The following TST variants were observed in gnomAD, a reference collection of about 807,000 sequenced individuals.
TST encodes thiosulfate sulfurtransferase, also known as epididymis secretory sperm binding protein.
TST carries 22 observed loss-of-function variants against 20.4 expected under a neutral mutation model. The observed-to-expected ratio is 1.08, with a 90% confidence interval of 0.77 to 1.54. The LOEUF is 1.54. Among genes scored for constraint, TST ranks in the 40% most tolerant of loss-of-function variants. The pLI, the probability that TST is intolerant of heterozygous loss-of-function variation, is 0.00. For missense variants in TST, 392 were observed against 405.2 expected, an observed-to-expected ratio of 0.97 and a Z score of 0.28; for synonymous variants, 187 against 173.8, an observed-to-expected ratio of 1.08 and a Z score of -0.60.
chr22:37,012,683 T>G (rs1319035202), intron 2 of TST, among the ~76,000 whole-genome samples: 2 of 152,198 alleles, frequency 1.3e-5, no homozygotes, highest in Non-Finnish European at 2.9e-5. Flanking sequence ...AGGCATATAC[T>G]GGGGCTGGGT....
Position 37,011,207 on chromosome 22 carries a change from C to T in TST, c.714G>A (p.Val238=), listed in dbSNP as rs1922463838. Residue 238 remains valine, a synonymous_variant, in exon 3 of 3, where the codon GTG becomes GTA. Transcript: ENST00000249042. ...TGGCAATGAGAGGCTGCGAGAGATC[C>T]ACCTTCTTGGTCTGGAACAGAGCAC... ...ELRALFQTKK[V]DLSQPLIATC... 2 of 1,613,780 alleles carry T rather than the reference C, an allele frequency of 1.2e-6. No homozygotes were observed. Among genetic ancestry groups the T allele is most frequent in the South Asian group, 1.1e-5 (1 of 91,090 alleles).
chr22:37,013,747 C>G (rs909420818), intron 2 of TST, among the ~76,000 whole-genome samples: 1 of 152,196 alleles, frequency 6.6e-6, no homozygotes, highest in Non-Finnish European at 1.5e-5. Context: ...AATGGATCAG[C>G]TGGCATCGAG....
chr22:37,014,159 G>A (rs549096144), intron 2 of TST, among the ~76,000 whole-genome samples: 1 of 152,232 alleles, frequency 6.6e-6, no homozygotes, highest in African/African-American at 2.4e-5. Flanking sequence ...TCAGGAGATC[G>A]AGACCATCCT....
rs1922441117 is a variant in TST, at chr22:37,010,918, C to T, written c.*109G>A. The stretch of plus-strand genomic sequence containing the variant: ...TGACAGAGAGAGGGTGAGCCTTGCA[C>T]AGCAATTCTAAAAACATGTCATCTC... On this transcript the variant is annotated 3_prime_UTR_variant, in exon 3 of 3. Transcript: ENST00000249042. The T allele has an allele frequency of 1.4e-5, 21 of 1,455,040 alleles. No individual in the cohort carries two copies. Among genetic ancestry groups the T allele is most frequent in the Non-Finnish European group, 1.9e-5 (20 of 1,076,134 alleles). The allele number at this position is 1,455,040 out of a possible 1,614,324, so 90.1% of individuals were successfully genotyped here.
intron 2 of TST, chr22:37,013,275 C>A (rs1922548591): frequency 6.6e-6 from 1 of 152,254 alleles, no homozygotes; most frequent in African/African-American, 2.4e-5. Flanking sequence ...TTACAGATTT[C>A]TTTCTTCCTT....
At chr22:37,016,869 C>A (rs983096643) in intron 2 of TST, among the ~76,000 whole-genome samples, 2 of 152,236 alleles carry the variant, frequency 1.3e-5, no homozygotes, top group Non-Finnish European at 2.9e-5. Context: ...ACTAGCTATG[C>A]GGCCTTGGCC....
chr22:37,015,436 C>T (rs1922641296), intron 2 of TST, among the ~76,000 whole-genome samples: 1 of 152,234 alleles, frequency 6.6e-6, no homozygotes, highest in African/African-American at 2.4e-5. Flanking sequence ...AGGTGAGCAG[C>T]GCTCCTTTCA....
rs1922464771 is a variant in TST, at chr22:37,011,222, G to A, written c.699C>T (p.Phe233=). 1 of 1,613,988 alleles carries A rather than the reference G, an allele frequency of 6.2e-7. No homozygotes were observed. Among genetic ancestry groups the A allele is most frequent in the South Asian group, 1.1e-5 (1 of 91,084 alleles). The change falls in exon 3 of 3, where the codon TTC becomes TTT. Residue 233 remains phenylalanine (F), a synonymous_variant. Transcript: ENST00000249042. ...EKGPEELRAL[F]QTKKVDLSQP... ...GCGAGAGATCCACCTTCTTGGTCTG[G>A]AACAGAGCACGGAGCTCTTCTGGGC... is the stretch of plus-strand genomic sequence containing the variant.
rs762920838 is a variant in TST at position 37,018,283 on chromosome 22, C to G, written c.450G>C (p.Pro150=). 26 of 1,613,946 alleles carry G rather than the reference C, an allele frequency of 1.6e-5. No individual in the cohort carries two copies. The highest frequency in any genetic ancestry group is 2.1e-5 in the Non-Finnish European group (25 of 1,180,036). Residue 150 remains proline, a synonymous_variant, in exon 2 of 3, where the codon CCG becomes CCC. Transcript: ENST00000249042. ...GGTCCAGTGTGGCTTTGAAGACGGC[C>G]GGTTCTGGGCGTGAGGGCTCGGATG... ...PVTSEPSRPE[P]AVFKATLDRS... is the part of the protein sequence containing the mutation.
At position 37,013,248 on chromosome 22, in the gene TST, A is replaced by C. The variant is rs549764374; in HGVS notation, c.596-1923T>G. 2.0e-5 allele frequency: 3 copies of C among 152,354 alleles called. No individual in the cohort carries two copies. The South Asian group carries it at 6.2e-4, about 32-fold the overall frequency. The allele number at this position is 152,354 out of a possible 1,614,324, so 9.4% of individuals were successfully genotyped here. On this transcript the variant is annotated intron_variant, in intron 2 of 2. Transcript: ENST00000249042. ...GAGTTTGATTGGCAGTGGTGTTTAC[A>C]ATCAACTGATCACCAGTTACAGATT... is the stretch of plus-strand genomic sequence containing the variant.
chr22:37,018,733 G>A lies in TST; in HGVS notation c.-1C>T. On this transcript the variant is annotated 5_prime_UTR_variant, in exon 2 of 3. Coordinates refer to ENST00000249042, the MANE Select transcript of TST (RefSeq NM_003312.6). ...CCCGGTAGAGCACCTGATGAACCAT[G>A]GCTTCAGCTCTGCGTGTCACCTGGC... 1 of 1,484,698 alleles carries A rather than the reference G, an allele frequency of 6.7e-7. No individual in the cohort carries two copies. Among genetic ancestry groups the A allele is most frequent in the Middle Eastern group, 1.8e-4 (1 of 5,610 alleles). 92.0% of individuals were successfully genotyped at this position (1,484,698 alleles called of 1,614,324 possible).
intron 2 of TST, among the ~76,000 whole-genome samples, chr22:37,014,334 C>A (rs780347464): frequency 2.8e-4 from 43 of 152,226 alleles, no homozygotes; most frequent in Non-Finnish European, 6.0e-4. Context: ...CGCACCACTG[C>A]ACTCCAGCCT....
chr22:37,018,314 G>T lies in TST; in HGVS notation c.419C>A (p.Pro140Gln), dbSNP rs61743966. The T allele has an allele frequency of 1.2e-6, 2 of 1,613,862 alleles. No homozygotes were observed. The highest frequency in any genetic ancestry group is 1.3e-5 in the African/African-American group (1 of 74,890). ...GFRNWLKEGH[P>Q]VTSEPSRPEP... ...TGGGCGTGAGGGCTCGGATGTCACCGGGTGGCCCTCCTTCAGCCAGTTCCG... is the reference window on the plus strand; with the variant it reads ...TGGGCGTGAGGGCTCGGATGTCACCTGGTGGCCCTCCTTCAGCCAGTTCCG... Residue 140 changes from proline to glutamine, a missense_variant, in exon 2 of 3, where the codon CCG (proline) becomes CAG (glutamine). By Grantham distance (76) the Pro-to-Gln change is moderately conservative. Coordinates refer to ENST00000249042, the MANE Select transcript of TST (RefSeq NM_003312.6).
At position 37,018,294 on chromosome 22, in the gene TST, G is replaced by T. The variant is rs1357489255; in HGVS notation, c.439C>A (p.Arg147Ser). Residue 147 changes from arginine to serine, a missense_variant, in exon 2 of 3, where the codon CGC becomes AGC. Coordinates refer to ENST00000249042, the MANE Select transcript of TST (RefSeq NM_003312.6). ...GCTTTGAAGACGGCCGGTTCTGGGC[G>T]TGAGGGCTCGGATGTCACCGGGTGG... is the stretch of plus-strand genomic sequence containing the variant. ...EGHPVTSEPS[R>S]PEPAVFKATL... 4 of 1,613,984 alleles carry T rather than the reference G, an allele frequency of 2.5e-6. No individual in the cohort carries two copies. Among genetic ancestry groups the T allele is most frequent in the Admixed American group, 1.7e-5 (1 of 60,004 alleles).
Position 37,011,312 on chromosome 22 carries a change from G to A in TST, c.609C>T (p.Gly203=), listed in dbSNP as rs1160153328. 6.2e-7 allele frequency: 1 copy of A among 1,612,622 alleles called. No homozygotes were observed. Among genetic ancestry groups the A allele is most frequent in the Admixed American group, 1.7e-5 (1 of 59,998 alleles). Residue 203 remains glycine (G), a synonymous_variant, in exon 3 of 3, where the codon GGC becomes GGT. Coordinates refer to ENST00000249042, the MANE Select transcript of TST (RefSeq NM_003312.6). ...PEPDAVGLDS[G]HIRGAVNMPF... ...GCATGTTGACGGCACCACGGATATG[G>A]CCCGAGTCCAGTCCTGGGCAGGGCA...
At chr22:37,018,074 C>T (rs1423705472) in intron 2 of TST, 64 bp downstream of exon 2, 2 of 1,301,666 alleles carry the variant, frequency 1.5e-6, no homozygotes, top group African/African-American at 3.0e-5. Context: ...TCCCAGTCAT[C>T]CTTACTCCCT....
Position 37,011,260 on chromosome 22 carries a change from C to T in TST, c.661G>A (p.Gly221Ser). Residue 221 changes from glycine (G) to serine (S), a missense_variant, in exon 3 of 3, where the codon GGC becomes AGC. Coordinates refer to ENST00000249042, the MANE Select transcript of TST (RefSeq NM_003312.6). ...AGCTCTTCTGGGCCCTTCTCGAAGC[C>T]ATCCTCAGTCAGGAAGTCCATGAAA... ...MPFMDFLTED[G>S]FEKGPEELRA... is the part of the protein sequence containing the mutation. 3 of 1,614,002 alleles carry T rather than the reference C, an allele frequency of 1.9e-6. No homozygotes were observed. The highest frequency in any genetic ancestry group is 2.5e-6 in the Non-Finnish European group (3 of 1,180,036).
At chr22:37,019,909 G>A, upstream of TST, 1 of 1,127,798 alleles carries the variant, frequency 8.9e-7, no homozygotes, top group Non-Finnish European at 1.1e-6. Flanking sequence ...CTTTCTGGAG[G>A]GGGAGGGAGT....
rs1178136453 is a variant in TST, at chr22:37,018,685, C to T, written c.48G>A (p.Leu16=). Residue 16 remains leucine (L), a synonymous_variant, in exon 2 of 3, where the codon CTG becomes CTA. Transcript: ENST00000249042. ...GCTTGCCAGTCCTGATGGACTCCGCCAGCCACTTGGTGGAGACCAGCGCCC... is the reference window on the plus strand; with the variant it reads ...GCTTGCCAGTCCTGATGGACTCCGCTAGCCACTTGGTGGAGACCAGCGCCC... ...LYRALVSTKW[L]AESIRTGKLG... is the part of the protein sequence containing the mutation. The T allele has an allele frequency of 6.5e-7, 1 of 1,537,346 alleles. No individual in the cohort carries two copies. The highest frequency in any genetic ancestry group is 2.1e-5 in the Admixed American group (1 of 48,760).
Sources: allele counts gnomAD v4.1 joint callset (sites outside exome capture counted in the v4.1 genomes callset), GRCh38; gene constraint gnomAD v4.1.1; transcripts MANE v1.5; gene names NCBI Gene and HGNC (gene_info 2026-07-23, HGNC 2026-07-21).